The following SFRP1 variants were observed in gnomAD, a reference collection of about 807,000 sequenced individuals.
SFRP1 encodes secreted frizzled-related protein 1.
A neutral mutation model predicts 25.9 loss-of-function variants in SFRP1; 9 were observed. The ratio of observed to expected loss-of-function variants is 0.35; its 90% confidence interval spans 0.21 to 0.61. The LOEUF (loss-of-function observed/expected upper bound fraction) is 0.61. SFRP1 is among the 20% of genes least tolerant of loss of function. The pLI, the probability that SFRP1 is intolerant of heterozygous loss-of-function variation, is 0.78. For synonymous variants in SFRP1, 178 were observed against 174.0 expected, an observed-to-expected ratio of 1.02 and a Z score of -0.18; for missense variants, 346 against 418.2, an observed-to-expected ratio of 0.83 and a Z score of 1.51.
chr8:41,303,562 C>T (rs768617096), intron 1 of SFRP1, 24 bp from the exon 2 acceptor site: 84 of 1,594,598 alleles, frequency 5.3e-5, no homozygotes, highest in Middle Eastern at 3.3e-4. Context: ...TAGGGAGAAA[C>T]GGAACTGTAA....
chr8:41,286,984 T>C (rs1287821217), intron 2 of SFRP1, among the ~76,000 whole-genome samples: 1 of 152,202 alleles, frequency 6.6e-6, no homozygotes, highest in African/African-American at 2.4e-5. Flanking sequence ...TCCTGCCCAG[T>C]GCAGGCCTCC....
chr8:41,267,339 G>A lies in SFRP1; in HGVS notation c.623-1850C>T, dbSNP rs116954574. Among the ~76,000 whole-genome samples the A allele has an allele frequency of 1.3e-3, 193 of 152,302 alleles. No homozygotes were observed. In the East Asian group the frequency reaches 0.029, roughly 23 times the overall value. On this transcript the variant is annotated intron_variant, in intron 2 of 2. Transcript: ENST00000220772. ...GGGCTGCTGATGAAGATAAATGAGC[G>A]TGGACATGCTCTATAAACGAAGCAG... is the stretch of plus-strand genomic sequence containing the variant.
chr8:41,302,702 A>G (rs1803939027), intron 2 of SFRP1, among the ~76,000 whole-genome samples: 1 of 152,200 alleles, frequency 6.6e-6, no homozygotes, highest in Non-Finnish European at 1.5e-5. Context: ...AGAGACTCTC[A>G]GGGTGTGGTG....
intron 2 of SFRP1, among the ~76,000 whole-genome samples, chr8:41,302,598 C>T (rs1379722651): frequency 3.9e-5 from 6 of 152,174 alleles, no homozygotes; most frequent in East Asian, 1.9e-4. Context: ...GTGGCTTGGC[C>T]GGAGCCACTT....
chr8:41,283,414 C>T (rs567023732), intron 2 of SFRP1, among the ~76,000 whole-genome samples: 45 of 152,220 alleles, frequency 3.0e-4, no homozygotes, highest in Middle Eastern at 3.4e-3. Context: ...AGACAGAAAA[C>T]GTGCAGGCCC....
chr8:41,302,719 G>T (rs2117518733), intron 2 of SFRP1, among the ~76,000 whole-genome samples: 1 of 152,270 alleles, frequency 6.6e-6, no homozygotes, highest in East Asian at 1.9e-4. Flanking sequence ...GGTGAATTCA[G>T]GTATTCTGCA....
chr8:41,286,651 G>A (rs981977776), intron 2 of SFRP1, among the ~76,000 whole-genome samples: 2 of 152,146 alleles, frequency 1.3e-5, no homozygotes, highest in African/African-American at 2.4e-5. Flanking sequence ...AACATGGAAC[G>A]ACTCCAGGAT....
intron 1 of SFRP1, chr8:41,306,784 G>A (rs764332741): frequency 5.0e-6 from 8 of 1,597,908 alleles, no homozygotes; most frequent in South Asian, 1.1e-5. Context: ...TGAGAAGGGC[G>A]CCGACCAGTG....
intron 2 of SFRP1, among the ~76,000 whole-genome samples, chr8:41,279,023 T>G (rs527420134): frequency 1.6e-4 from 24 of 152,110 alleles, no homozygotes; most frequent in African/African-American, 5.5e-4. Flanking sequence ...GCCTTGGCCT[T>G]CCTGGCTCTC....
Position 41,265,095 on chromosome 8 carries a change from G to A in SFRP1, c.*72C>T, listed in dbSNP as rs980097227. 8.9e-6 allele frequency: 10 copies of A among 1,124,892 alleles called. No homozygotes were observed. The highest frequency in any genetic ancestry group is 6.3e-5 in the African/African-American group (4 of 63,682). 69.7% of individuals were successfully genotyped at this position (1,124,892 alleles called of 1,614,324 possible). On this transcript the variant is annotated 3_prime_UTR_variant, in exon 3 of 3. Coordinates refer to ENST00000220772, the MANE Select transcript of SFRP1 (RefSeq NM_003012.5). ...GCGCAGTGCGTGTGTGTGACCCACC[G>A]GGTTCCCGGGGCACTGTCCCCCCCG...
chr8:41,306,873 G>T (rs759102421), intron 1 of SFRP1: 3 of 1,595,650 alleles, frequency 1.9e-6, no homozygotes, highest in South Asian at 1.1e-5. Context: ...CCTTTTGGGG[G>T]CTGGGGTGAG....
At chr8:41,279,930 T>C (rs1239237168) in intron 2 of SFRP1, among the ~76,000 whole-genome samples, 2 of 152,200 alleles carry the variant, frequency 1.3e-5, no homozygotes, top group African/African-American at 2.4e-5. Context: ...CCCTACCTAT[T>C]TATCCAACTT....
intron 2 of SFRP1, among the ~76,000 whole-genome samples, chr8:41,281,526 G>T (rs1803634944): frequency 6.6e-6 from 1 of 152,244 alleles, no homozygotes; most frequent in South Asian, 2.1e-4. Context: ...ACACATTGAG[G>T]ATGCGGAGGC....
chr8:41,308,595 C>T lies in SFRP1; in HGVS notation c.544+21G>A, dbSNP rs376176714. On this transcript the variant is annotated intron_variant, in intron 1 of 2. Coordinates refer to ENST00000220772, the MANE Select transcript of SFRP1 (RefSeq NM_003012.5). The stretch of plus-strand genomic sequence containing the variant: ...GGGGATGGAGGGGGCGGCTCGCGCA[C>T]GTGGGAGGAGGCAGCCTTACCTTGG... 5 of 1,552,028 alleles carry T rather than the reference C, an allele frequency of 3.2e-6. No individual in the cohort carries two copies. The South Asian group carries it at 6.0e-5, about 19-fold the overall frequency.
At chr8:41,305,807 GTC>G (rs1205713850) in intron 1 of SFRP1, among the ~76,000 whole-genome samples, 1 of 152,110 alleles carries the variant, frequency 6.6e-6, no homozygotes, top group Non-Finnish European at 1.5e-5. Flanking sequence ...TGCTTTCTCA[GTC>G]TCTCTCTCTT....
chr8:41,277,096 T>C (rs943656286), intron 2 of SFRP1: 1 of 451,268 alleles, frequency 2.2e-6, no homozygotes, highest in Non-Finnish European at 4.5e-6. Context: ...CTGCCTGGTG[T>C]GATTTCATCT....
At chr8:41,268,553 C>CA (rs1803463784) in intron 2 of SFRP1, among the ~76,000 whole-genome samples, 1 of 152,166 alleles carries the variant, frequency 6.6e-6, no homozygotes, top group African/African-American at 2.4e-5. Context: ...ATGTGTTACA[C>CA]ATTAGACTTT....
chr8:41,296,456 G>A (rs755269901), intron 2 of SFRP1, among the ~76,000 whole-genome samples: 35 of 151,804 alleles, frequency 2.3e-4, no homozygotes, highest in Non-Finnish European at 4.0e-4. Flanking sequence ...GCTGCCCTAA[G>A]GTCGGGGCAG....
At chr8:41,306,010 T>C (rs1428914352) in intron 1 of SFRP1, among the ~76,000 whole-genome samples, 2 of 152,178 alleles carry the variant, frequency 1.3e-5, no homozygotes, top group Non-Finnish European at 2.9e-5. Flanking sequence ...CTCATACAAC[T>C]TCACCCAGTA....
Sources: gnomAD v4.1 joint callset for allele counts (sites outside exome capture counted in the v4.1 genomes callset) on GRCh38, gnomAD v4.1.1 for gene constraint, MANE v1.5 for transcripts, NCBI Gene and HGNC (gene_info 2026-07-23, HGNC 2026-07-21) for gene names.